CNTNAP2: variants seen among roughly 807,000 people sequenced by gnomAD.
The protein encoded by CNTNAP2 is contactin-associated protein-like 2.
A neutral mutation model predicts 155.2 loss-of-function variants in CNTNAP2; 98 were observed. The ratio of observed to expected loss-of-function variants is 0.63; its 90% confidence interval spans 0.54 to 0.75. The LOEUF is 0.75. Ranked by LOEUF, CNTNAP2 falls within the 30% of genes least tolerant of loss-of-function variation. The pLI, the probability that CNTNAP2 is intolerant of heterozygous loss-of-function variation, is 0.00. For synonymous variants in CNTNAP2, 651 were observed against 631.2 expected, an observed-to-expected ratio of 1.03 and a Z score of -0.47; for missense variants, 1,727 against 1,688.1, an observed-to-expected ratio of 1.02 and a Z score of -0.40.
chr7:147,624,635 A>G (rs1170588112), intron 12 of CNTNAP2, among the ~76,000 whole-genome samples: 1 of 152,212 alleles, frequency 6.6e-6, no homozygotes, highest in East Asian at 1.9e-4. Flanking sequence ...TATGGGGAAC[A>G]GGAAATCCTC....
intron 15 of CNTNAP2, among the ~76,000 whole-genome samples, chr7:148,029,739 C>G (rs886349728): frequency 6.6e-6 from 1 of 152,156 alleles, no homozygotes; most frequent in African/African-American, 2.4e-5. Flanking sequence ...TATTCCACCA[C>G]ATATAAATTT....
At chr7:148,121,054 T>C (rs1287429046) in intron 16 of CNTNAP2, among the ~76,000 whole-genome samples, 1 of 152,004 alleles carries the variant, frequency 6.6e-6, no homozygotes, top group African/African-American at 2.4e-5. Context: ...TTATTTTTTT[T>C]TATGGTGTCT....
chr7:146,879,071 G>C (rs531555453), intron 3 of CNTNAP2, among the ~76,000 whole-genome samples: 47 of 152,266 alleles, frequency 3.1e-4, no homozygotes, highest in Non-Finnish European at 6.5e-4. Flanking sequence ...TGCTCCATAA[G>C]TATGTGTGGA....
At chr7:147,150,090 C>T (rs144773559) in intron 8 of CNTNAP2, among the ~76,000 whole-genome samples, 45 of 152,230 alleles carry the variant, frequency 3.0e-4, no homozygotes, top group African/African-American at 1.0e-3. Flanking sequence ...TGTCTGCTAC[C>T]TATTTAGGAG....
intron 14 of CNTNAP2, among the ~76,000 whole-genome samples, chr7:147,942,812 C>T (rs576080180): frequency 1.1e-4 from 16 of 152,106 alleles, no homozygotes; most frequent in East Asian, 9.7e-4. Context: ...CCGAGGTGGG[C>T]GGATCACGAG....
At chr7:148,115,684 G>C (rs1804452664) in intron 15 of CNTNAP2, among the ~76,000 whole-genome samples, 6 of 152,094 alleles carry the variant, frequency 3.9e-5, no homozygotes, top group Admixed American at 3.9e-4. Flanking sequence ...GGGGAGGAAG[G>C]CTTACCCTTG....
intron 9 of CNTNAP2, among the ~76,000 whole-genome samples, chr7:147,372,141 G>A (rs1377836616): frequency 6.6e-6 from 1 of 152,090 alleles, no homozygotes; most frequent in Non-Finnish European, 1.5e-5. Flanking sequence ...GTCATTCCAT[G>A]TTACAGTAAC....
At chr7:148,086,104 A>G (rs1428491171) in intron 15 of CNTNAP2, among the ~76,000 whole-genome samples, 2 of 152,186 alleles carry the variant, frequency 1.3e-5, no homozygotes. Flanking sequence ...AGTCTCAGGA[A>G]GTTTAGTTTG....
chr7:147,676,308 A>G (rs1435821383), intron 13 of CNTNAP2, among the ~76,000 whole-genome samples: 1 of 152,060 alleles, frequency 6.6e-6, no homozygotes, highest in East Asian at 1.9e-4. Context: ...TACTATTATC[A>G]ACAATTCCCT....
chr7:148,318,812 G>T (rs957196182), intron 21 of CNTNAP2, among the ~76,000 whole-genome samples: 1 of 152,188 alleles, frequency 6.6e-6, no homozygotes, highest in African/African-American at 2.4e-5. Flanking sequence ...GATTTATTAT[G>T]AGAGGGCAGA....
intron 1 of CNTNAP2, among the ~76,000 whole-genome samples, chr7:146,419,924 A>G (rs1795988099): frequency 9.2e-5 from 14 of 152,142 alleles, no homozygotes; most frequent in South Asian, 4.1e-4. Flanking sequence ...AAAACATTAG[A>G]TGGATTTAAG....
intron 13 of CNTNAP2, among the ~76,000 whole-genome samples, chr7:147,822,968 C>A (rs1440123914): frequency 6.6e-6 from 1 of 152,154 alleles, no homozygotes; most frequent in Admixed American, 6.6e-5. Flanking sequence ...CAGAAGGAAA[C>A]CTTGTCTTCT....
intron 13 of CNTNAP2, among the ~76,000 whole-genome samples, chr7:147,818,693 T>C (rs1395949863): frequency 2.6e-5 from 4 of 152,214 alleles, no homozygotes; most frequent in African/African-American, 9.6e-5. Flanking sequence ...AATTTAACAA[T>C]GCTAATTCTA....
At chr7:148,182,587 A>G (rs1254189035) in intron 18 of CNTNAP2, among the ~76,000 whole-genome samples, 1 of 152,246 alleles carries the variant, frequency 6.6e-6, no homozygotes, top group Non-Finnish European at 1.5e-5. Context: ...ATAATGCTAT[A>G]GCCTACCCAT....
intron 1 of CNTNAP2, among the ~76,000 whole-genome samples, chr7:146,591,474 T>C (rs1401862641): frequency 9.0e-6 from 1 of 111,022 alleles, no homozygotes; most frequent in Non-Finnish European, 2.0e-5. Flanking sequence ...TGAAAATAGA[T>C]GTGAAATTTT....
chr7:147,897,979 C>T (rs1484556493), intron 13 of CNTNAP2, among the ~76,000 whole-genome samples: 2 of 152,152 alleles, frequency 1.3e-5, no homozygotes, highest in Admixed American at 1.3e-4. Context: ...CAGGGTGGAC[C>T]TTTATGTCAG....
At chr7:146,531,942 A>C (rs994243109) in intron 1 of CNTNAP2, among the ~76,000 whole-genome samples, 1 of 152,140 alleles carries the variant, frequency 6.6e-6, no homozygotes, top group African/African-American at 2.4e-5. Flanking sequence ...AGTGAAAAAT[A>C]ATGAAATATC....
chr7:147,197,327 G>C (rs556664566), intron 8 of CNTNAP2, among the ~76,000 whole-genome samples: 2 of 152,008 alleles, frequency 1.3e-5, no homozygotes, highest in South Asian at 4.2e-4. Flanking sequence ...CCCTATGCTC[G>C]GGCCTGCCCC....
intron 12 of CNTNAP2, among the ~76,000 whole-genome samples, chr7:147,568,806 A>G (rs1800226079): frequency 6.6e-6 from 1 of 152,096 alleles, no homozygotes; most frequent in African/African-American, 2.4e-5. Context: ...GCTTTCACTT[A>G]GTTCTTTCTG....
Sources: allele counts gnomAD v4.1 joint callset (sites outside exome capture counted in the v4.1 genomes callset), GRCh38; gene constraint gnomAD v4.1.1; transcripts MANE v1.5; gene names NCBI Gene and HGNC (gene_info 2026-07-23, HGNC 2026-07-21).